PRKDC: variants seen among roughly 807,000 people sequenced by gnomAD.
PRKDC encodes the protein DNA-dependent protein kinase catalytic subunit.
In PRKDC, 82 loss-of-function variants were observed where a neutral mutation model predicts 486.9. The ratio of observed to expected loss-of-function variants is 0.17; its 90% CI spans 0.14 to 0.20. The LOEUF (loss-of-function observed/expected upper bound fraction) is 0.20, where lower values mean the gene tolerates loss of function less well. Among genes scored for constraint, PRKDC ranks in the 10% least tolerant of loss-of-function variants. The pLI, the probability that PRKDC is intolerant of heterozygous loss-of-function variation, is 1.00. For synonymous variants in PRKDC, 1,895 were observed against 1,837.0 expected (o/e 1.03, Z -0.81); for missense variants, 4,504 against 5,038.2 (o/e 0.89, Z 3.21).
chr8:47,819,379 A>G (rs547422326), intron 67 of PRKDC, 23 bp downstream of exon 67: 58 of 1,410,646 alleles, frequency 4.1e-5, no homozygotes, highest in South Asian at 3.1e-4. Flanking sequence ...AAATGAAAAA[A>G]AAAGACCGAT....
At chr8:47,910,214 T>C (rs2089872245) in intron 25 of PRKDC, among the ~76,000 whole-genome samples, 1 of 152,246 alleles carries the variant, frequency 6.6e-6, no homozygotes, top group East Asian at 1.9e-4. Flanking sequence ...TCTTAGTTAT[T>C]TTCCATCCAC....
intron 31 of PRKDC, among the ~76,000 whole-genome samples, chr8:47,892,515 C>T (rs2089483170): frequency 6.6e-6 from 1 of 152,026 alleles, no homozygotes; most frequent in Non-Finnish European, 1.5e-5. Flanking sequence ...ATTTTTTGTA[C>T]AGATAGTGTC....
chr8:47,802,557 G>T (rs188639691), intron 70 of PRKDC, among the ~76,000 whole-genome samples: 1 of 147,812 alleles, frequency 6.8e-6, no homozygotes, highest in East Asian at 2.0e-4. Flanking sequence ...ATTTTGGCTC[G>T]CTGCAACCTC....
intron 56 of PRKDC, among the ~76,000 whole-genome samples, chr8:47,837,961 C>T (rs1011373802): frequency 2.0e-5 from 3 of 152,048 alleles, no homozygotes; most frequent in East Asian, 1.9e-4. Flanking sequence ...CATGGTGAAA[C>T]CCCGTCTCTA....
At chr8:47,848,705 C>CAGGGACAGGGAAATAATAT (rs1423864905) in intron 54 of PRKDC, among the ~76,000 whole-genome samples, 7 of 147,934 alleles carry the variant, frequency 4.7e-5, no homozygotes, top group African/African-American at 1.5e-4. Flanking sequence ...GAAAAGAGTA[C>CAGGGACAGGGAAATAATAT]AGGGACAGGG....
chr8:47,840,601 A>T (rs2088118101), intron 54 of PRKDC, among the ~76,000 whole-genome samples: 1 of 152,242 alleles, frequency 6.6e-6, no homozygotes, highest in African/African-American at 2.4e-5. Context: ...ACTTCAATAT[A>T]AAAAGTTTAT....
At position 47,881,954 on chromosome 8, in the gene PRKDC, T is replaced by A. The variant is rs757178742; in HGVS notation, c.4920A>T (p.Glu1640Asp). ...DSWWAKDSPL[E>D]TKMAVLALLA... ...GTAAGGCCAGCACTGCCATTTTAGT[T>A]TCGAGAGGGGAATCTTTGGCCCACC... Residue 1640 changes from glutamate (E) to aspartate (D), a missense_variant, in exon 37 of 86, where the codon GAA becomes GAT. Physicochemically the swap from Glu to Asp is conservative, Grantham distance 45 (BLOSUM62 2). Coordinates refer to ENST00000314191, the MANE Select transcript of PRKDC (RefSeq NM_006904.7). 1 of 1,613,672 alleles carries A rather than the reference T, an allele frequency of 6.2e-7. No individual in the cohort carries two copies. Among genetic ancestry groups the A allele is most frequent in the African/African-American group, 1.3e-5 (1 of 75,038 alleles).
chr8:47,835,117 G>A (rs1173763471), intron 58 of PRKDC, among the ~76,000 whole-genome samples: 1 of 152,130 alleles, frequency 6.6e-6, no homozygotes. Flanking sequence ...TATATAAAAG[G>A]ATTAAGATAT....
intron 68 of PRKDC, among the ~76,000 whole-genome samples, chr8:47,809,292 C>T (rs921568861): frequency 1.3e-5 from 2 of 152,148 alleles, no homozygotes; most frequent in African/African-American, 2.4e-5. Context: ...GCTCCTCATC[C>T]CCACACCAAC....
At chr8:47,897,080 A>T (rs2089594638) in intron 30 of PRKDC, 81 bp downstream of exon 30, 1 of 1,391,454 alleles carries the variant, frequency 7.2e-7, no homozygotes, top group Non-Finnish European at 9.8e-7. Context: ...AATGATACCC[A>T]ATTACTCAAT....
chr8:47,868,719 T>C (rs1248593683), intron 40 of PRKDC, among the ~76,000 whole-genome samples: 1 of 152,114 alleles, frequency 6.6e-6, no homozygotes, highest in South Asian at 2.1e-4. Flanking sequence ...AAAAATCAGG[T>C]GAGTGATCAT....
At position 47,954,349 on chromosome 8, in the gene PRKDC, A is replaced by AT. The variant is rs537061158; in HGVS notation, c.496dup (p.Ile166AsnfsTer11). The AT allele has an allele frequency of 6.0e-3, 6,885 of 1,152,032 alleles. No individual in the cohort carries two copies. Among genetic ancestry groups the AT allele is most frequent in the South Asian group, 0.011 (595 of 54,750 alleles). 71.4% of individuals were successfully genotyped at this position (1,152,032 alleles called of 1,614,324 possible). On this transcript the variant is annotated frameshift_variant, in exon 5 of 86. Coordinates refer to ENST00000314191, the MANE Select transcript of PRKDC (RefSeq NM_006904.7). LOFTEE classifies it high-confidence loss of function. ...TAAATGCATCTCACCTGTATCTGGT[A>AT]TTTTTTTTTTCAATGCAAGTTCTCC... is the stretch of plus-strand genomic sequence containing the variant.
At chr8:47,948,204 C>A (rs1023036222) in intron 7 of PRKDC, among the ~76,000 whole-genome samples, 5 of 151,690 alleles carry the variant, frequency 3.3e-5, no homozygotes, top group African/African-American at 1.2e-4. Context: ...AGGGCAGTGG[C>A]GCGATCTCGG....
At chr8:47,910,070 G>A (rs2089867791) in intron 25 of PRKDC, among the ~76,000 whole-genome samples, 1 of 152,100 alleles carries the variant, frequency 6.6e-6, no homozygotes, top group African/African-American at 2.4e-5. Flanking sequence ...GCGGCTCGGG[G>A]TTGTCATCAC....
intron 11 of PRKDC, among the ~76,000 whole-genome samples, chr8:47,937,419 G>C (rs1260188625): frequency 6.6e-6 from 1 of 152,218 alleles, no homozygotes; most frequent in East Asian, 1.9e-4. Flanking sequence ...CAAATGAGAG[G>C]CAGTCCCTGC....
Position 47,794,279 on chromosome 8 carries a change from A to G in PRKDC, c.10670+11T>C, listed in dbSNP as rs374299207. The G allele has an allele frequency of 4.7e-5, 75 of 1,598,266 alleles. 1 individual carries two copies. In the Middle Eastern group the frequency reaches 8.3e-4, roughly 18 times the overall value. ...ATTTGATCAACCTATTCCTTCTGTA[A>G]TATTACCTACCTTGCCACAAACTCC... On this transcript the variant is annotated intron_variant, in intron 74 of 85. Coordinates refer to ENST00000314191, the MANE Select transcript of PRKDC (RefSeq NM_006904.7).
Position 47,889,260 on chromosome 8 carries a change from A to C in PRKDC, c.4072-38T>G, listed in dbSNP as rs1466094542. 3.9e-6 allele frequency: 6 copies of C among 1,527,314 alleles called. No individual in the cohort carries two copies. In the South Asian group the frequency reaches 7.7e-5, roughly 20 times the overall value. 94.6% of individuals were successfully genotyped at this position (1,527,314 alleles called of 1,614,324 possible). On this transcript the variant is annotated intron_variant, in intron 32 of 85. Coordinates refer to ENST00000314191, the MANE Select transcript of PRKDC (RefSeq NM_006904.7). ...GTTTGATAAAAACACTTCGTCAGCC[A>C]GCACTTCTATTTTCACCAAAGTGCA...
chr8:47,815,799 A>C (rs1309183711), intron 68 of PRKDC, among the ~76,000 whole-genome samples: 2 of 152,234 alleles, frequency 1.3e-5, no homozygotes, highest in Non-Finnish European at 2.9e-5. Context: ...CAGAGGGATA[A>C]GTCTTAGGAG....
chr8:47,826,626 G>A, intron 63 of PRKDC, 30 bp downstream of exon 63: 4 of 1,585,556 alleles, frequency 2.5e-6, no homozygotes, highest in Non-Finnish European at 3.4e-6. Context: ...AATCCAGTGT[G>A]CTCCCAAGAG....
Sources: gnomAD v4.1 joint callset for allele counts (sites outside exome capture counted in the v4.1 genomes callset) on GRCh38, gnomAD v4.1.1 for gene constraint, MANE v1.5 for transcripts, NCBI Gene and HGNC (gene_info 2026-07-23, HGNC 2026-07-21) for gene names.